Variants in ALPP observed in about 807,000 individuals in gnomAD.
The protein encoded by ALPP is alkaline phosphatase, placental, also known as alkaline phosphatase, placental type.
ALPP carries 39 observed loss-of-function variants against 50.7 expected under a neutral mutation model. That is an observed-to-expected ratio of 0.77 (90% confidence interval 0.60 to 1.00). ALPP has a LOEUF of 1.00. Among genes scored for constraint, ALPP ranks in the 50% least tolerant of loss-of-function variants. The probability of loss-of-function intolerance (pLI) is 0.00; values close to 1 mark genes in which losing one functional copy is unlikely to be tolerated. For synonymous variants in ALPP, 226 were observed against 320.3 expected, an observed-to-expected ratio of 0.71 and a Z score of 3.14; for missense variants, 550 against 746.8, an observed-to-expected ratio of 0.74 and a Z score of 3.07.
rs758716290 is a variant in ALPP at position 232,379,912 on chromosome 2, G to C, written c.633G>C (p.Gln211His). The change falls in exon 5 of 11, where the codon CAG becomes CAC. Residue 211 changes from glutamine (Q) to histidine (H), a missense_variant. Physicochemically the swap from Gln to His is conservative, Grantham distance 24. This residue lies in a region of ALPP where 376 missense variants were observed against 388.5 expected (regional missense o/e 0.97). Transcript: ENST00000392027. Reference sequence around the variant, plus strand: ...AGGGGTGCCAGGACATCGCTACGCAGCTCATCTCCAACATGGACATTGACG... The same window carrying C: ...AGGGGTGCCAGGACATCGCTACGCACCTCATCTCCAACATGGACATTGACG... ...RQEGCQDIAT[Q>H]LISNMDIDVI... 5 of 1,611,570 alleles carry C rather than the reference G, an allele frequency of 3.1e-6. No homozygotes were observed. In the South Asian group the frequency reaches 5.5e-5, roughly 18 times the overall value.
intron 9 of ALPP, 110 bp downstream of exon 9, chr2:232,381,141 G>C: frequency 1.3e-6 from 2 of 1,598,060 alleles, no homozygotes; most frequent in South Asian, 1.1e-5. Context: ...AGCCCTGTAG[G>C]GTCTCCTGAG....
chr2:232,378,963 C>G lies in ALPP; in HGVS notation c.77-8C>G, dbSNP rs754220331. ...GGCTGACCTGATTTTTGCTCTCCCC[C>G]TGGCCAGTTGAGGAGGAGAACCCGG... On this transcript the variant is annotated splice_region_variant and splice_polypyrimidine_tract_variant and intron_variant, in intron 1 of 10. Coordinates refer to ENST00000392027, the MANE Select transcript of ALPP (RefSeq NM_001632.5). The G allele has an allele frequency of 3.7e-6, 6 of 1,614,134 alleles. No individual in the cohort carries two copies.
chr2:232,381,735 C>G lies in ALPP; in HGVS notation c.1548C>G (p.Pro516=). ...CGCACCCGGGGCGGTCCGTGGTCCC[C>G]GCGTTGCTTCCTCTGCTGGCCGGGA... is the stretch of plus-strand genomic sequence containing the variant. ...DAAHPGRSVV[P]ALLPLLAGTL... The change falls in exon 11 of 11, where the codon CCC becomes CCG. Residue 516 remains proline (P), a synonymous_variant. Transcript: ENST00000392027. 1.3e-6 allele frequency: 2 copies of G among 1,599,040 alleles called. No homozygotes were observed. Among genetic ancestry groups the G allele is most frequent in the East Asian group, 2.2e-5 (1 of 44,560 alleles).
chr2:232,379,351 A>G (rs749856805), intron 3 of ALPP, 36 bp downstream of exon 3: 26 of 1,610,924 alleles, frequency 1.6e-5, no homozygotes, highest in Non-Finnish European at 2.2e-5. Context: ...CTCCAAGCAC[A>G]GAAGGGGAAT....
rs779811255 is a variant in ALPP at position 232,381,778 on chromosome 2, A to T, written c.1591A>T (p.Thr531Ser). ...LLAGTLLLLETATAP is the reference protein window; with the variant it reads ...LLAGTLLLLESATAP ...GGCCGGGACCCTGCTGCTGCTGGAG[A>T]CGGCCACTGCTCCCTGAGTGTCCCG... The change falls in exon 11 of 11, where the codon ACG (threonine) becomes TCG (serine). Residue 531 changes from threonine to serine, a missense_variant. Thr to Ser is a moderately conservative substitution (Grantham distance 58). Coordinates refer to ENST00000392027, the MANE Select transcript of ALPP (RefSeq NM_001632.5). 5 of 1,583,346 alleles carry T rather than the reference A, an allele frequency of 3.2e-6. No homozygotes were observed. The Middle Eastern group carries it at 6.5e-4, about 206-fold the overall frequency.
In ALPP at chr2:232,381,857, T is replaced by G. The variant is rs1696724101; in HGVS notation, c.*62T>G. The G allele has an allele frequency of 6.6e-7, 1 of 1,504,974 alleles. No homozygotes were observed. 93.2% of individuals were successfully genotyped at this position (1,504,974 alleles called of 1,614,324 possible). A position where few individuals can be genotyped will look rare whatever the true frequency, so the allele number is the denominator to read the frequency against. On this transcript the variant is annotated 3_prime_UTR_variant, in exon 11 of 11. Transcript: ENST00000392027. Reference sequence around the variant, plus strand: ...GAGTTCTCCTGCTCCCCACCTCCTGTCGTCCTGCCTGGCCTCCAGCCCGAG... The same window carrying G: ...GAGTTCTCCTGCTCCCCACCTCCTGGCGTCCTGCCTGGCCTCCAGCCCGAG...
Position 232,381,702 on chromosome 2 carries a change from C to G in ALPP, c.1515C>G (p.Thr505=), listed in dbSNP as rs758833949. The change falls in exon 11 of 11, where the codon ACC becomes ACG. Residue 505 remains threonine, a synonymous_variant. Coordinates refer to ENST00000392027, the MANE Select transcript of ALPP (RefSeq NM_001632.5). ...ACCTGGCGCCCCCCGCCGGCACCAC[C>G]GACGCCGCGCACCCGGGGCGGTCCG... ...ACDLAPPAGT[T]DAAHPGRSVV... The G allele has an allele frequency of 4.4e-6, 7 of 1,606,950 alleles. No homozygotes were observed. Among genetic ancestry groups the G allele is most frequent in the Non-Finnish European group, 5.1e-6 (6 of 1,177,848 alleles).
At position 232,381,871 on chromosome 2, in the gene ALPP, C is replaced by G. The variant is rs994469652; in HGVS notation, c.*76C>G. 174 of 1,493,786 alleles carry G rather than the reference C, an allele frequency of 1.2e-4. No homozygotes were observed. The highest frequency in any genetic ancestry group is 1.4e-4 in the Non-Finnish European group (156 of 1,127,626). 92.5% of individuals were successfully genotyped at this position (1,493,786 alleles called of 1,614,324 possible). A position where few individuals can be genotyped will look rare whatever the true frequency, so the allele number is the denominator to read the frequency against. On this transcript the variant is annotated 3_prime_UTR_variant, in exon 11 of 11. Coordinates refer to ENST00000392027, the MANE Select transcript of ALPP (RefSeq NM_001632.5). Reference sequence around the variant, plus strand: ...CCCACCTCCTGTCGTCCTGCCTGGCCTCCAGCCCGAGTCGTCATCCCCGGA... The same window carrying G: ...CCCACCTCCTGTCGTCCTGCCTGGCGTCCAGCCCGAGTCGTCATCCCCGGA...
In ALPP at chr2:232,382,812, A is replaced by T. The variant is rs1696744064; in HGVS notation, c.*1017A>T. On this transcript the variant is annotated 3_prime_UTR_variant, in exon 11 of 11. Coordinates refer to ENST00000392027, the MANE Select transcript of ALPP (RefSeq NM_001632.5). ...CACTGCACTGCAGCCTGGGCGACAGAGCGAGATTCTGCCTCAAAAATAAAC... is the reference window on the plus strand; with the variant it reads ...CACTGCACTGCAGCCTGGGCGACAGTGCGAGATTCTGCCTCAAAAATAAAC... The T allele has an allele frequency of 6.6e-6, 1 of 152,224 alleles. No individual in the cohort carries two copies. Among genetic ancestry groups the T allele is most frequent in the Non-Finnish European group, 1.5e-5 (1 of 68,064 alleles). The allele number at this position is 152,224 out of a possible 1,614,324, so 9.4% of individuals were successfully genotyped here. A position where few individuals can be genotyped will look rare whatever the true frequency, so the allele number is the denominator to read the frequency against.
Position 232,382,409 on chromosome 2 carries a change from C to T in ALPP, c.*614C>T, listed in dbSNP as rs3207895. Reference sequence around the variant, plus strand: ...CAACTTCTCAGACGTTCCATACCCCCACATGCCAATTTCAGCACCCAACTG... The same window carrying T: ...CAACTTCTCAGACGTTCCATACCCCTACATGCCAATTTCAGCACCCAACTG... On this transcript the variant is annotated 3_prime_UTR_variant, in exon 11 of 11. Coordinates refer to ENST00000392027, the MANE Select transcript of ALPP (RefSeq NM_001632.5). 1 of 153,802 alleles carries T rather than the reference C, an allele frequency of 6.5e-6. No individual in the cohort carries two copies. Among genetic ancestry groups the T allele is most frequent in the African/African-American group, 2.4e-5 (1 of 41,452 alleles). 9.5% of individuals were successfully genotyped at this position (153,802 alleles called of 1,614,324 possible). A position where few individuals can be genotyped will look rare whatever the true frequency, so the allele number is the denominator to read the frequency against.
At chr2:232,380,390 G>C (rs1696684258) in intron 6 of ALPP, 30 bp from the exon 7 acceptor site, 1 of 1,613,472 alleles carries the variant, frequency 6.2e-7, no homozygotes, top group Admixed American at 1.7e-5. Flanking sequence ...AGGGCTGTGG[G>C]CTGAGGCCTG....
At chr2:232,380,037 G>T (rs1696676976) in intron 5 of ALPP, 101 bp downstream of exon 5, 3 of 1,563,114 alleles carry the variant, frequency 1.9e-6, no homozygotes, top group African/African-American at 1.4e-5. Context: ...GGCCAGCAGG[G>T]TCTGGAGGTG....
Position 232,378,770 on chromosome 2 carries a change from C to T in ALPP, c.-33C>T, listed in dbSNP as rs761678129. 2 of 1,607,754 alleles carry T rather than the reference C, an allele frequency of 1.2e-6. No individual in the cohort carries two copies. The highest frequency in any genetic ancestry group is 1.7e-5 in the Admixed American group (1 of 59,476). On this transcript the variant is annotated 5_prime_UTR_variant, in exon 1 of 11. Coordinates refer to ENST00000392027, the MANE Select transcript of ALPP (RefSeq NM_001632.5). Reference sequence around the variant, plus strand: ...CAGCTCATACTCCATGCCCAGAATTCCTGCCTCGCCACTGTCCTGCTGCCC... The same window carrying T: ...CAGCTCATACTCCATGCCCAGAATTTCTGCCTCGCCACTGTCCTGCTGCCC...
At position 232,382,115 on chromosome 2, in the gene ALPP, T is replaced by G; in HGVS notation, c.*320T>G. ...CCCAGTGGGTACCAGGCAGGCTCCC[T>G]TCCTGGGGAAAAGAAGCACCCAGAC... On this transcript the variant is annotated 3_prime_UTR_variant, in exon 11 of 11. Transcript: ENST00000392027. 1 of 475,726 alleles carries G rather than the reference T, an allele frequency of 2.1e-6. No individual in the cohort carries two copies. Among genetic ancestry groups the G allele is most frequent in the Non-Finnish European group, 3.7e-6 (1 of 269,720 alleles). The allele number at this position is 475,726 out of a possible 1,614,324, so 29.5% of individuals were successfully genotyped here.
chr2:232,379,739 A>G, intron 4 of ALPP, 25 bp from the exon 5 acceptor site: 1 of 1,614,026 alleles, frequency 6.2e-7, no homozygotes, highest in East Asian at 2.2e-5. Flanking sequence ...CGTTGGTCAC[A>G]TATACTGACC....
chr2:232,380,730 C>G lies in ALPP; in HGVS notation c.973C>G (p.Pro325Ala). 6.2e-7 allele frequency: 1 copy of G among 1,614,090 alleles called. No homozygotes were observed. Among genetic ancestry groups the G allele is most frequent in the African/African-American group, 1.3e-5 (1 of 74,922 alleles). The change falls in exon 8 of 11, where the codon CCC becomes GCC. Residue 325 changes from proline (P) to alanine (A), a missense_variant. Physicochemically the swap from Pro to Ala is conservative, Grantham distance 27. Coordinates refer to ENST00000392027, the MANE Select transcript of ALPP (RefSeq NM_001632.5). ...TGCCCTGCGCCTGCTGAGCAGGAAC[C>G]CCCGCGGCTTCTTCCTCTTCGTGGA... ...EAALRLLSRN[P>A]RGFFLFVEGG... is the part of the protein sequence containing the mutation.
At chr2:232,380,133 G>A (rs55977653) in intron 5 of ALPP, 53 bp from the exon 6 acceptor site, 131,688 of 1,612,728 alleles carry the variant, frequency 0.082, 6,232 homozygotes, top group East Asian at 0.23. Flanking sequence ...ATGAGGAGGG[G>A]GCACGGGGCC....
rs1319901669 is a variant in ALPP, at chr2:232,379,901, A to AT, written c.623dup (p.Ala209ArgfsTer11). The stretch of plus-strand genomic sequence containing the variant: ...CGCCCGCCAGGAGGGGTGCCAGGAC[A>AT]TCGCTACGCAGCTCATCTCCAACAT... On this transcript the variant is annotated frameshift_variant, in exon 5 of 11. Coordinates refer to ENST00000392027, the MANE Select transcript of ALPP (RefSeq NM_001632.5). LOFTEE classifies it high-confidence loss of function. 1 of 1,612,584 alleles carries AT rather than the reference A, an allele frequency of 6.2e-7. No homozygotes were observed. The highest frequency in any genetic ancestry group is 8.5e-7 in the Non-Finnish European group (1 of 1,179,490).
rs751242001 is a variant in ALPP, at chr2:232,381,314, C to T, written c.1256C>T (p.Pro419Leu). ...AYTVLLYGNG[P>L]GYVLKDGARP... Reference sequence around the variant, plus strand: ...ACGGTCCTCCTATACGGAAACGGTCCAGGCTATGTGCTCAAGGACGGCGCC... The same window carrying T: ...ACGGTCCTCCTATACGGAAACGGTCTAGGCTATGTGCTCAAGGACGGCGCC... Residue 419 changes from proline (P) to leucine (L), a missense_variant, in exon 10 of 11, where the codon CCA becomes CTA. Physicochemically the swap from Pro to Leu is moderately conservative, Grantham distance 98. Coordinates refer to ENST00000392027, the MANE Select transcript of ALPP (RefSeq NM_001632.5). 8.1e-6 allele frequency: 13 copies of T among 1,614,134 alleles called. No individual in the cohort carries two copies. The highest frequency in any genetic ancestry group is 1.1e-5 in the Non-Finnish European group (13 of 1,180,032).
Sources: allele counts gnomAD v4.1 joint callset, GRCh38; gene constraint gnomAD v4.1.1; regional missense constraint gnomAD v4.1.1; transcripts MANE v1.5; gene names NCBI Gene and HGNC (gene_info 2026-07-23, HGNC 2026-07-21).